LEF1: variants seen among roughly 807,000 people sequenced by gnomAD.
LEF1 encodes lymphoid enhancer binding factor 1.
Under a neutral mutation model 51.2 loss-of-function variants are expected in LEF1, and 14 were observed. The ratio of observed to expected loss-of-function variants is 0.27; its 90% confidence interval spans 0.18 to 0.43. The LOEUF is 0.43. Among genes scored for constraint, LEF1 ranks in the 20% least tolerant of loss-of-function variants. The probability of loss-of-function intolerance (pLI) is 1.00; values close to 1 mark genes in which losing one functional copy is unlikely to be tolerated. For synonymous variants in LEF1, 185 were observed against 183.2 expected (o/e 1.01, Z -0.08); for missense variants, 386 against 512.0 (o/e 0.75, Z 2.37).
intron 4 of LEF1, among the ~76,000 whole-genome samples, chr4:108,087,383 G>A (rs6827373): frequency 0.055 from 8,349 of 151,874 alleles, 777 homozygotes; most frequent in African/African-American, 0.19. Flanking sequence ...GACAACTTCT[G>A]GTGATGACCA....
intron 3 of LEF1, among the ~76,000 whole-genome samples, chr4:108,132,685 T>TTTTTTTTTTTTTTTTTTTTG (rs1383252390): frequency 7.2e-6 from 1 of 139,606 alleles, no homozygotes; most frequent in Non-Finnish European, 1.5e-5. Context: ...TTTTTTTTTT[T>TTTTTTTTTTTTTTTTTTTTG]GAGGCAGGGT....
intron 3 of LEF1, among the ~76,000 whole-genome samples, chr4:108,113,004 G>A (rs1199903347): frequency 6.6e-6 from 1 of 152,192 alleles, no homozygotes; most frequent in Non-Finnish European, 1.5e-5. Context: ...CATTAGAATG[G>A]CAGAAGCCCA....
chr4:108,143,835 G>A (rs1743829394), intron 3 of LEF1, among the ~76,000 whole-genome samples: 1 of 152,168 alleles, frequency 6.6e-6, no homozygotes, highest in African/African-American at 2.4e-5. Context: ...AGCCCCCGGA[G>A]CTGTGGGCTC....
intron 11 of LEF1, among the ~76,000 whole-genome samples, chr4:108,061,827 AT>A (rs552463616): frequency 7.2e-5 from 11 of 152,316 alleles, no homozygotes; most frequent in African/African-American, 2.6e-4. Flanking sequence ...TGAGTATATT[AT>A]TTTTTGATCT....
intron 3 of LEF1, among the ~76,000 whole-genome samples, chr4:108,146,884 T>A (rs1174508862): frequency 6.6e-6 from 1 of 152,154 alleles, no homozygotes; most frequent in Non-Finnish European, 1.5e-5. Flanking sequence ...TCTGGTACCA[T>A]AAGAAGTCCA....
intron 8 of LEF1, among the ~76,000 whole-genome samples, chr4:108,075,059 G>T (rs1410344234): frequency 6.6e-6 from 1 of 152,220 alleles, no homozygotes; most frequent in Non-Finnish European, 1.5e-5. Context: ...TTAAGGCGGA[G>T]TTCTTCCAAG....
intron 11 of LEF1, among the ~76,000 whole-genome samples, chr4:108,049,523 T>C (rs758794186): frequency 2.8e-4 from 42 of 152,154 alleles, no homozygotes; most frequent in Non-Finnish European, 4.0e-4. Flanking sequence ...AAAAGGAAAG[T>C]AAAAGCATGG....
At position 108,091,776 on chromosome 4, in the gene LEF1, G is replaced by C. The variant is rs566140104; in HGVS notation, c.415-2519C>G. Among the ~76,000 whole-genome samples, 10 of 152,230 alleles carry C rather than the reference G, an allele frequency of 6.6e-5. No individual in the cohort carries two copies. The South Asian group carries it at 2.1e-3, about 32-fold the overall frequency. On this transcript the variant is annotated intron_variant, in intron 3 of 11. Coordinates refer to ENST00000265165, the MANE Select transcript of LEF1 (RefSeq NM_016269.5). ...TGGAATTTAGAATGCTAGAAGTGGG[G>C]GTGGGTAGATGTGAGGATAGGAGGA...
intron 3 of LEF1, among the ~76,000 whole-genome samples, chr4:108,089,476 G>A (rs1206963376): frequency 6.6e-6 from 1 of 152,098 alleles, no homozygotes; most frequent in Non-Finnish European, 1.5e-5. Flanking sequence ...ATATTCATGA[G>A]TTATCAGTTA....
Position 108,048,608 on chromosome 4 carries a change from G to T in LEF1, c.*150C>A. On this transcript the variant is annotated 3_prime_UTR_variant, in exon 12 of 12. Transcript: ENST00000265165. ...TCAGCGTCTCTAGCAGTGACCTCAG[G>T]GTAAAATTGATGTCAGTGTTCCTTT... 9.4e-7 allele frequency: 1 copy of T among 1,058,748 alleles called. No individual in the cohort carries two copies. Among genetic ancestry groups the T allele is most frequent in the South Asian group, 1.9e-5 (1 of 53,136 alleles). 65.6% of individuals were successfully genotyped at this position (1,058,748 alleles called of 1,614,324 possible). A position where few individuals can be genotyped will look rare whatever the true frequency, so the allele number is the denominator to read the frequency against.
chr4:108,079,209 A>G (rs1479738726), intron 7 of LEF1, among the ~76,000 whole-genome samples: 1 of 84,302 alleles, frequency 1.2e-5, no homozygotes, highest in East Asian at 4.8e-4. Context: ...GTAAATGGCT[A>G]AACAGCTGAA....
chr4:108,125,924 C>T (rs1187970900), intron 3 of LEF1, among the ~76,000 whole-genome samples: 1 of 152,118 alleles, frequency 6.6e-6, no homozygotes, highest in Admixed American at 6.5e-5. Flanking sequence ...ACAGTGTTAA[C>T]ACCAATCAGA....
intron 3 of LEF1, among the ~76,000 whole-genome samples, chr4:108,117,104 T>C (rs1741887152): frequency 6.6e-6 from 1 of 152,238 alleles, no homozygotes; most frequent in Non-Finnish European, 1.5e-5. Flanking sequence ...ATTTTATTTC[T>C]TTTGTTTCTC....
chr4:108,110,084 G>A (rs1741426018), intron 3 of LEF1, among the ~76,000 whole-genome samples: 1 of 152,210 alleles, frequency 6.6e-6, no homozygotes, highest in African/African-American at 2.4e-5. Context: ...TCTTCAGCAA[G>A]AGCACGAAGC....
intron 3 of LEF1, among the ~76,000 whole-genome samples, chr4:108,115,291 G>C (rs2110323060): frequency 6.6e-6 from 1 of 152,328 alleles, no homozygotes. Context: ...ACAGTGGTGA[G>C]ACTTGATCAA....
intron 11 of LEF1, among the ~76,000 whole-genome samples, chr4:108,049,659 G>T (rs1736852224): frequency 6.6e-6 from 1 of 152,228 alleles, no homozygotes; most frequent in African/African-American, 2.4e-5. Flanking sequence ...GACAGCCTCA[G>T]ATGAATCCCA....
At chr4:108,161,144 T>C (rs1385029575) in intron 3 of LEF1, among the ~76,000 whole-genome samples, 4 of 152,136 alleles carry the variant, frequency 2.6e-5, no homozygotes, top group Admixed American at 2.6e-4. Flanking sequence ...GAAGTGTGGT[T>C]AGGGGTGAAG....
chr4:108,123,365 G>C (rs1486781465), intron 3 of LEF1, among the ~76,000 whole-genome samples: 1 of 149,244 alleles, frequency 6.7e-6, no homozygotes, highest in Non-Finnish European at 1.5e-5. Flanking sequence ...GGGAAGGTAG[G>C]TTTATTTCTA....
intron 3 of LEF1, among the ~76,000 whole-genome samples, chr4:108,096,596 C>G (rs1240957332): frequency 1.3e-5 from 2 of 151,976 alleles, no homozygotes; most frequent in African/African-American, 2.4e-5. Context: ...AATGGGATCA[C>G]GTTAAGTTAA....
Sources: allele counts gnomAD v4.1 joint callset (sites outside exome capture counted in the v4.1 genomes callset), GRCh38; gene constraint gnomAD v4.1.1; transcripts MANE v1.5; gene names NCBI Gene and HGNC (gene_info 2026-07-23, HGNC 2026-07-21).